HEXB: variants seen among roughly 807,000 people sequenced by gnomAD.
HEXB encodes the protein hexosaminidase subunit beta.
A neutral mutation model predicts 71.2 loss-of-function variants in HEXB; 51 were observed. That is an observed-to-expected ratio of 0.72 (90% confidence interval 0.57 to 0.90). HEXB has a LOEUF of 0.90. Ranked by LOEUF, HEXB falls within the 40% of genes least tolerant of loss-of-function variation. The probability of loss-of-function intolerance (pLI) is 0.00; values close to 1 mark genes in which losing one functional copy is unlikely to be tolerated. For missense variants in HEXB, 617 were observed against 677.0 expected, an observed-to-expected ratio of 0.91 and a Z score of 0.98; for synonymous variants, 266 against 249.3, an observed-to-expected ratio of 1.07 and a Z score of -0.63.
At chr5:74,703,465 A>C (rs1180938706) in intron 5 of HEXB, among the ~76,000 whole-genome samples, 1 of 152,134 alleles carries the variant, frequency 6.6e-6, no homozygotes. Flanking sequence ...AACATTTTGA[A>C]ACCAATATCT....
At chr5:74,648,853 C>T (rs570761039) in intron 1 of HEXB, among the ~76,000 whole-genome samples, 12 of 152,158 alleles carry the variant, frequency 7.9e-5, no homozygotes, top group African/African-American at 2.9e-4. Flanking sequence ...TTGTGTGTTT[C>T]TTGTGCTAGT....
intron 1 of HEXB, among the ~76,000 whole-genome samples, chr5:74,659,168 C>T (rs1748274058): frequency 6.6e-6 from 1 of 152,090 alleles, no homozygotes; most frequent in South Asian, 2.1e-4. Flanking sequence ...TCAGTAATCC[C>T]AACATACTTT....
chr5:74,678,289 A>T (rs1340496698), intron 1 of HEXB, among the ~76,000 whole-genome samples: 1 of 147,670 alleles, frequency 6.8e-6, no homozygotes, highest in Non-Finnish European at 1.5e-5. Context: ...CAAGAGTGAA[A>T]CTCCATCTCA....
chr5:74,719,075 C>G (rs772128346), intron 11 of HEXB, 104 bp downstream of exon 11: 19 of 1,051,126 alleles, frequency 1.8e-5, no homozygotes, highest in Admixed American at 1.4e-4. Context: ...CCCTAACCTC[C>G]CACCCCAGAA....
intron 1 of HEXB, among the ~76,000 whole-genome samples, chr5:74,647,065 G>T (rs781292477): frequency 6.6e-6 from 1 of 152,154 alleles, no homozygotes; most frequent in East Asian, 1.9e-4. Context: ...CTTGGTAAAA[G>T]CTCACTCAGA....
At chr5:74,695,839 T>TA (rs34022383) in intron 3 of HEXB, among the ~76,000 whole-genome samples, 88,352 of 132,746 alleles carry the variant, frequency 0.67, 29,440 homozygotes, top group Non-Finnish European at 0.74. Flanking sequence ...AGACTCCGTC[T>TA]AAAAAAAAAA....
chr5:74,689,772 A>G (rs1020552403), intron 2 of HEXB: 1 of 374,206 alleles, frequency 2.7e-6, no homozygotes, highest in Non-Finnish European at 4.9e-6. Context: ...AACATTTTAC[A>G]TAGACATAAA....
chr5:74,657,812 A>T (rs1748249005), intron 1 of HEXB, among the ~76,000 whole-genome samples: 1 of 152,188 alleles, frequency 6.6e-6, no homozygotes, highest in African/African-American at 2.4e-5. Context: ...TGTGCCTCAC[A>T]TGTCATGTGG....
Position 74,720,767 on chromosome 5 carries a change from C to T in HEXB, c.1613+20C>T. Reference sequence around the variant, plus strand: ...GGTCGAGTAAGAAATCTATTAAGTCCAGTGTGATTTTTAACCTTCTTATTC... The same window carrying T: ...GGTCGAGTAAGAAATCTATTAAGTCTAGTGTGATTTTTAACCTTCTTATTC... On this transcript the variant is annotated intron_variant, in intron 13 of 13. Coordinates refer to ENST00000261416, the MANE Select transcript of HEXB (RefSeq NM_000521.4). 1 of 1,574,818 alleles carries T rather than the reference C, an allele frequency of 6.3e-7. No individual in the cohort carries two copies. The highest frequency in any genetic ancestry group is 2.2e-5 in the East Asian group (1 of 44,676).
intron 1 of HEXB, among the ~76,000 whole-genome samples, chr5:74,674,070 G>C (rs1283180395): frequency 6.6e-6 from 1 of 152,104 alleles, no homozygotes; most frequent in Non-Finnish European, 1.5e-5. Flanking sequence ...TATTTCATTT[G>C]TATAGGTGGG....
At chr5:74,696,542 A>C in intron 3 of HEXB, 151 bp from the exon 4 acceptor site, 1 of 556,560 alleles carries the variant, frequency 1.8e-6, no homozygotes. Context: ...TAGAGGGTGT[A>C]GGTATAACAA....
chr5:74,640,781 C>T (rs1167746163), intron 1 of HEXB: 1 of 152,330 alleles, frequency 6.6e-6, no homozygotes, highest in South Asian at 2.1e-4. Flanking sequence ...GGGGAGGGGG[C>T]GCGTATGCAA....
chr5:74,689,387 C>T lies in HEXB; in HGVS notation c.359C>T (p.Ala120Val), dbSNP rs868326873. The T allele has an allele frequency of 6.2e-7, 1 of 1,612,236 alleles. No individual in the cohort carries two copies. Among genetic ancestry groups the T allele is most frequent in the Non-Finnish European group, 8.5e-7 (1 of 1,178,286 alleles). The change falls in exon 2 of 14, where the codon GCT (alanine) becomes GTT (valine). Residue 120 changes from alanine to valine, a missense_variant. By Grantham distance (64) the Ala-to-Val change is moderately conservative. Transcript: ENST00000261416. ...CATCATGAACCTGCTGAATTCCAGG[C>T]TAAAACCCAGGTTCAGCAACTTCTT... ...KWHHEPAEFQ[A>V]KTQVQQLLVS...
chr5:74,659,138 G>T (rs954774300), intron 1 of HEXB, among the ~76,000 whole-genome samples: 2 of 152,032 alleles, frequency 1.3e-5, no homozygotes, highest in African/African-American at 4.8e-5. Flanking sequence ...CTTGTCTTTG[G>T]TACTTATATG....
chr5:74,713,319 A>AT (rs1193702245), intron 6 of HEXB, among the ~76,000 whole-genome samples, 187 bp from the exon 7 acceptor site: 2 of 152,154 alleles, frequency 1.3e-5, no homozygotes, highest in Non-Finnish European at 2.9e-5. Flanking sequence ...TCTTTCTGAA[A>AT]TTTTCTACTC....
At chr5:74,646,161 A>C (rs1747998290) in intron 1 of HEXB, among the ~76,000 whole-genome samples, 1 of 152,218 alleles carries the variant, frequency 6.6e-6, no homozygotes, top group East Asian at 1.9e-4. Context: ...TGTAAAGTAC[A>C]TAGAACAGTG....
chr5:74,716,846 A>G (rs1214637362), intron 9 of HEXB, 173 bp downstream of exon 9: 8 of 516,982 alleles, frequency 1.5e-5, no homozygotes, highest in East Asian at 3.6e-5. Flanking sequence ...GGTGACTCCA[A>G]GTATTTTCCA....
chr5:74,709,051 T>C (rs1403684960), intron 6 of HEXB, among the ~76,000 whole-genome samples: 1 of 151,398 alleles, frequency 6.6e-6, no homozygotes, highest in Non-Finnish European at 1.5e-5. Flanking sequence ...AGTAAAGCTC[T>C]CCTCAGCAAA....
intron 13 of HEXB, 38 bp downstream of exon 13, chr5:74,720,785 T>C (rs2112186737): frequency 1.4e-6 from 2 of 1,461,646 alleles, no homozygotes; most frequent in Non-Finnish European, 1.9e-6. Context: ...TTTTTAACCT[T>C]CTTATTCAGT....
Sources: allele counts gnomAD v4.1 joint callset (sites outside exome capture counted in the v4.1 genomes callset), GRCh38; gene constraint gnomAD v4.1.1; transcripts MANE v1.5; gene names NCBI Gene and HGNC (gene_info 2026-07-23, HGNC 2026-07-21).